LMBR1L: variants seen among roughly 807,000 people sequenced by gnomAD.
LMBR1L encodes protein LMBR1L.
In LMBR1L, 47 loss-of-function variants were observed where a neutral mutation model predicts 67.3. The ratio of observed to expected loss-of-function variants is 0.70; its 90% CI spans 0.55 to 0.89. The LOEUF is 0.89. LMBR1L is among the 40% of genes least tolerant of loss of function. The pLI is 0.00. For synonymous variants in LMBR1L, 247 were observed against 250.3 expected (o/e 0.99, Z 0.13); for missense variants, 533 against 599.2 (o/e 0.89, Z 1.15).
intron 1 of LMBR1L, chr12:49,109,945 C>T (rs1420196070): frequency 2.4e-6 from 1 of 425,258 alleles, no homozygotes; most frequent in African/African-American, 2.1e-5. Context: ...TTGGTTGTTC[C>T]TCATCTCTAC....
intron 9 of LMBR1L, 34 bp downstream of exon 9, chr12:49,102,434 C>G (rs773022106): frequency 6.2e-7 from 1 of 1,613,858 alleles, no homozygotes; most frequent in Admixed American, 1.7e-5. Context: ...CCAGGCCAAG[C>G]CTACCACCCC....
intron 15 of LMBR1L, among the ~76,000 whole-genome samples, chr12:49,100,125 T>C (rs1217194029): frequency 6.6e-6 from 1 of 152,184 alleles, no homozygotes; most frequent in Non-Finnish European, 1.5e-5. Context: ...GAGAAAGATT[T>C]AGAAAAGTGT....
At chr12:49,100,702 A>C in intron 13 of LMBR1L, 56 bp from the exon 14 acceptor site, 1 of 1,292,628 alleles carries the variant, frequency 7.7e-7, no homozygotes, top group Non-Finnish European at 1.1e-6. Context: ...ACTCATCTCA[A>C]AGGGAACAGA....
At chr12:49,109,870 T>C (rs1441566617) in intron 1 of LMBR1L, 1 of 406,572 alleles carries the variant, frequency 2.5e-6, no homozygotes, top group Non-Finnish European at 4.9e-6. Flanking sequence ...GCTGAGAGGC[T>C]GGGAACCCAG....
intron 15 of LMBR1L, among the ~76,000 whole-genome samples, chr12:49,099,653 C>T (rs868281631): frequency 5.9e-5 from 9 of 151,354 alleles, no homozygotes; most frequent in Middle Eastern, 6.8e-3. Flanking sequence ...GTGAGCTCAG[C>T]TCACCGCAAC....
In LMBR1L at chr12:49,105,976, C is replaced by T. The variant is rs114413686; in HGVS notation, c.158-19G>A. 3.5e-3 allele frequency: 5,562 copies of T among 1,611,588 alleles called. 156 individuals are homozygous for T. The African/African-American group carries it at 0.065, about 19-fold the overall frequency. ...TCATCCACTGTAAGAGACAGAGGCACGGGGAACAGGCAGGAGGACATCAGG... is the reference window on the plus strand; with the variant it reads ...TCATCCACTGTAAGAGACAGAGGCATGGGGAACAGGCAGGAGGACATCAGG... On this transcript the variant is annotated intron_variant, in intron 2 of 16. Coordinates refer to ENST00000267102, the MANE Select transcript of LMBR1L (RefSeq NM_018113.4).
At chr12:49,103,835 G>T in intron 5 of LMBR1L, 22 bp from the exon 6 acceptor site, 1 of 1,600,060 alleles carries the variant, frequency 6.2e-7, no homozygotes, top group Non-Finnish European at 8.5e-7. Flanking sequence ...GGCAACCAGT[G>T]AAGAAGGTTA....
At chr12:49,110,284 T>A (rs1287398780) in intron 1 of LMBR1L, 200 bp downstream of exon 1, 6 of 604,582 alleles carry the variant, frequency 9.9e-6, no homozygotes, top group Non-Finnish European at 1.8e-5. Context: ...CGACGGCCTT[T>A]GTTTATCGCT....
intron 2 of LMBR1L, 190 bp downstream of exon 2, chr12:49,106,771 C>T (rs777113211): frequency 2.4e-6 from 2 of 842,826 alleles, no homozygotes; most frequent in South Asian, 1.4e-5. Context: ...TGTTATATGA[C>T]TTGCCCAGCA....
Position 49,110,834 on chromosome 12 carries a change from A to C in LMBR1L, c.-279T>G. On this transcript the variant is annotated 5_prime_UTR_variant, in exon 1 of 17. Transcript: ENST00000267102. ...TCACGTTTCAATGCAAACACCCGCCACTAGGCTCGCTACGAGGAAGCGCCG... is the reference window on the plus strand; with the variant it reads ...TCACGTTTCAATGCAAACACCCGCCCCTAGGCTCGCTACGAGGAAGCGCCG... 2.1e-6 allele frequency: 1 copy of C among 470,078 alleles called. No individual in the cohort carries two copies. The highest frequency in any genetic ancestry group is 3.9e-6 in the Non-Finnish European group (1 of 257,858). 29.1% of individuals were successfully genotyped at this position (470,078 alleles called of 1,614,324 possible). A position where few individuals can be genotyped will look rare whatever the true frequency, so the allele number is the denominator to read the frequency against.
Position 49,102,369 on chromosome 12 carries a change from A to G in LMBR1L, c.777T>C (p.Thr259=). ...CCATGTCTAAAGGCAGCCAGCAGGA[A>G]GTAGGATCTGAGGGCAGAGAAGATG... ...AALTRRICNP[T]SCWLPLDMEL... The change falls in exon 10 of 17, where the codon ACT becomes ACC. Residue 259 remains threonine, a synonymous_variant. Coordinates refer to ENST00000267102, the MANE Select transcript of LMBR1L (RefSeq NM_018113.4). 6.2e-7 allele frequency: 1 copy of G among 1,614,206 alleles called. No homozygotes were observed. The highest frequency in any genetic ancestry group is 8.5e-7 in the Non-Finnish European group (1 of 1,180,016).
chr12:49,103,613 T>C, intron 6 of LMBR1L, 74 bp downstream of exon 6: 1 of 1,531,664 alleles, frequency 6.5e-7, no homozygotes, highest in Non-Finnish European at 8.8e-7. Context: ...CTTTAGAAGG[T>C]TACAGTCATT....
At position 49,110,624 on chromosome 12, in the gene LMBR1L, C is replaced by T; in HGVS notation, c.-69G>A. 2.1e-6 allele frequency: 3 copies of T among 1,415,888 alleles called. No individual in the cohort carries two copies. Among genetic ancestry groups the T allele is most frequent in the East Asian group, 4.6e-5 (2 of 43,910 alleles). The allele number at this position is 1,415,888 out of a possible 1,614,324, so 87.7% of individuals were successfully genotyped here. The stretch of plus-strand genomic sequence containing the variant: ...GGAGGACGAGCGGGGAGGAAGCCGC[C>T]GCCGCCAAGCACCCAGACCCAGCCT... On this transcript the variant is annotated 5_prime_UTR_variant, in exon 1 of 17. Transcript: ENST00000267102.
At chr12:49,102,024 C>A in intron 11 of LMBR1L, 96 bp downstream of exon 11, 1 of 1,053,126 alleles carries the variant, frequency 9.5e-7, no homozygotes, top group South Asian at 1.3e-5. Context: ...ACCACTATTA[C>A]TGATGATAAC....
chr12:49,106,097 A>G, intron 2 of LMBR1L, 140 bp from the exon 3 acceptor site: 1 of 665,004 alleles, frequency 1.5e-6, no homozygotes, highest in Non-Finnish European at 2.6e-6. Flanking sequence ...CCAGGAGACC[A>G]CACATTATGA....
chr12:49,105,010 G>C, intron 3 of LMBR1L, 125 bp from the exon 4 acceptor site: 1 of 1,079,250 alleles, frequency 9.3e-7, no homozygotes, highest in Non-Finnish European at 1.3e-6. Context: ...ACAGAGCTAA[G>C]GAAGGAGCTG....
At chr12:49,102,630 G>C (rs2120961352) in intron 8 of LMBR1L, 90 bp from the exon 9 acceptor site, 1 of 1,340,006 alleles carries the variant, frequency 7.5e-7, no homozygotes, top group South Asian at 1.2e-5. Context: ...GGGCTCCGTA[G>C]TCCCAGGCTT....
chr12:49,105,485 C>A (rs1029820995), intron 3 of LMBR1L, among the ~76,000 whole-genome samples: 5 of 152,192 alleles, frequency 3.3e-5, no homozygotes, highest in Non-Finnish European at 7.3e-5. Flanking sequence ...ATATCTCTAT[C>A]TTTTTCTGTA....
chr12:49,109,699 C>T (rs757935941), intron 1 of LMBR1L: 1 of 456,664 alleles, frequency 2.2e-6, no homozygotes, highest in East Asian at 7.0e-5. Context: ...AAAGATATGA[C>T]ACCCTAAGCT....
Sources: allele counts gnomAD v4.1 joint callset (sites outside exome capture counted in the v4.1 genomes callset), GRCh38; gene constraint gnomAD v4.1.1; transcripts MANE v1.5; gene names NCBI Gene and HGNC (gene_info 2026-07-23, HGNC 2026-07-21).